Variants in CTIF observed in about 807,000 individuals in gnomAD.
CTIF encodes the protein cap binding complex dependent translation initiation factor, also known as CBP80/20-dependent translation initiation factor.
CTIF carries 21 observed loss-of-function variants against 66.0 expected under a neutral mutation model. The ratio of observed to expected loss-of-function variants is 0.32; its 90% CI spans 0.23 to 0.46. The LOEUF is 0.46. CTIF is among the 20% of genes least tolerant of loss of function. The pLI is 1.00. For synonymous variants in CTIF, 345 were observed against 326.4 expected (o/e 1.06, Z -0.62); for missense variants, 739 against 812.7 (o/e 0.91, Z 1.10).
At chr18:48,695,773 A>G (rs930075265) in intron 6 of CTIF, among the ~76,000 whole-genome samples, 2 of 152,212 alleles carry the variant, frequency 1.3e-5, no homozygotes, top group Admixed American at 6.5e-5. Context: ...GGCTCCTTCT[A>G]TGGCGAGGAG....
At chr18:48,663,938 A>T in intron 4 of CTIF, 113 bp downstream of exon 4, 1 of 974,268 alleles carries the variant, frequency 1.0e-6, no homozygotes, top group Non-Finnish European at 1.6e-6. Flanking sequence ...AGAGAAGCAG[A>T]GTAGGGGATG....
chr18:48,572,641 G>A (rs977767711), intron 1 of CTIF, among the ~76,000 whole-genome samples: 2 of 152,116 alleles, frequency 1.3e-5, no homozygotes, highest in African/African-American at 2.4e-5. Flanking sequence ...CATCCTGGAG[G>A]AGAAATTTGA....
At chr18:48,722,630 C>T (rs540941086) in intron 7 of CTIF, among the ~76,000 whole-genome samples, 2 of 151,686 alleles carry the variant, frequency 1.3e-5, no homozygotes, top group Admixed American at 1.3e-4. Flanking sequence ...CCGTACTCAT[C>T]GGCACTCACA....
At chr18:48,716,002 C>T (rs1011749479) in intron 7 of CTIF, among the ~76,000 whole-genome samples, 2 of 152,150 alleles carry the variant, frequency 1.3e-5, no homozygotes, top group Non-Finnish European at 1.5e-5. Context: ...TTACCTTGGG[C>T]GGGGCTGCGC....
chr18:48,723,188 C>G (rs1408386540), intron 7 of CTIF, among the ~76,000 whole-genome samples: 2 of 152,156 alleles, frequency 1.3e-5, no homozygotes, highest in East Asian at 3.9e-4. Flanking sequence ...TCTGCTGGGC[C>G]CCTCCCTGGC....
intron 3 of CTIF, among the ~76,000 whole-genome samples, chr18:48,658,848 G>C (rs2091290493): frequency 6.6e-6 from 1 of 152,166 alleles, no homozygotes; most frequent in Admixed American, 6.5e-5. Context: ...TGGCCACTTG[G>C]GTGCTCAGCC....
At chr18:48,560,032 GTGAA>G (rs1331631691) in intron 1 of CTIF, among the ~76,000 whole-genome samples, 1 of 151,980 alleles carries the variant, frequency 6.6e-6, no homozygotes, top group Admixed American at 6.6e-5. Flanking sequence ...AACCACAAAA[GTGAA>G]TGGCCCAAGA....
At chr18:48,594,446 G>A (rs1423278855) in intron 1 of CTIF, among the ~76,000 whole-genome samples, 1 of 151,950 alleles carries the variant, frequency 6.6e-6, no homozygotes, top group Non-Finnish European at 1.5e-5. Flanking sequence ...AGGTCTGTGA[G>A]CTGGCCTAAT....
intron 9 of CTIF, among the ~76,000 whole-genome samples, chr18:48,804,735 G>C (rs73956033): frequency 0.022 from 3,357 of 152,208 alleles, 124 homozygotes; most frequent in African/African-American, 0.075. Flanking sequence ...TGAGAGGCAG[G>C]GTCCATGGGC....
chr18:48,749,659 C>G (rs189369222), intron 7 of CTIF, among the ~76,000 whole-genome samples: 1 of 152,268 alleles, frequency 6.6e-6, no homozygotes, highest in Admixed American at 6.5e-5. Context: ...TCACAAGAAC[C>G]CTATGAGATG....
chr18:48,714,679 A>G (rs2092262763), intron 7 of CTIF, among the ~76,000 whole-genome samples: 2 of 152,100 alleles, frequency 1.3e-5, no homozygotes, highest in Admixed American at 6.5e-5. Context: ...TACTGCTTTT[A>G]TTTTCCACTT....
chr18:48,762,417 G>A (rs1598995943), intron 9 of CTIF, among the ~76,000 whole-genome samples: 1 of 152,190 alleles, frequency 6.6e-6, no homozygotes, highest in South Asian at 2.1e-4. Context: ...TTGCCTGTAT[G>A]GGCAGTAGCA....
intron 9 of CTIF, among the ~76,000 whole-genome samples, chr18:48,808,517 T>A (rs1168183056): frequency 1.6e-5 from 1 of 61,474 alleles, no homozygotes; most frequent in Non-Finnish European, 3.2e-5. Flanking sequence ...TTTTTGGTCC[T>A]TTTTTTTTTT....
At chr18:48,546,747 A>T (rs2088761403) in intron 1 of CTIF, among the ~76,000 whole-genome samples, 1 of 152,036 alleles carries the variant, frequency 6.6e-6, no homozygotes, top group African/African-American at 2.4e-5. Flanking sequence ...CTAAAACAGG[A>T]CCTGGTAAAA....
intron 11 of CTIF, among the ~76,000 whole-genome samples, chr18:48,858,389 T>G (rs2146681641): frequency 6.6e-6 from 1 of 152,262 alleles, no homozygotes; most frequent in African/African-American, 2.4e-5. Flanking sequence ...ACAGGGGGCT[T>G]GGGATTAGGG....
Position 48,607,788 on chromosome 18 carries a change from G to A in CTIF, c.-28-11750G>A, listed in dbSNP as rs552912633. Reference sequence around the variant, plus strand: ...AGCACCCTGTCCCTAGGAGGAGCTTGGGTATGCACAGCCGAGTTTCTGCTG... The same window carrying A: ...AGCACCCTGTCCCTAGGAGGAGCTTAGGTATGCACAGCCGAGTTTCTGCTG... On this transcript the variant is annotated intron_variant, in intron 1 of 11. Transcript: ENST00000256413. 1.1e-4 allele frequency among the ~76,000 whole-genome samples: 17 copies of A among 152,340 alleles called. No individual in the cohort carries two copies. The South Asian group carries it at 3.3e-3, about 30-fold the overall frequency.
At chr18:48,606,821 G>A (rs921575776) in intron 1 of CTIF, among the ~76,000 whole-genome samples, 4 of 152,104 alleles carry the variant, frequency 2.6e-5, no homozygotes, top group Admixed American at 1.3e-4. Context: ...GCAACCCTTC[G>A]TGTCCTCAGT....
chr18:48,824,015 A>ACACACAC (rs1568247744), intron 10 of CTIF, among the ~76,000 whole-genome samples: 4 of 87,232 alleles, frequency 4.6e-5, no homozygotes, highest in African/African-American at 1.4e-4. Flanking sequence ...CACACACACA[A>ACACACAC]ACTGCTAGAA....
In CTIF at chr18:48,860,315, G is replaced by A; in HGVS notation, c.*756G>A. The A allele has an allele frequency of 3.6e-6, 1 of 278,548 alleles. No homozygotes were observed. The highest frequency in any genetic ancestry group is 3.9e-5 in the South Asian group (1 of 25,838). 17.3% of individuals were successfully genotyped at this position (278,548 alleles called of 1,614,324 possible). ...CTCTTTGGCCAATGAAAATGCCCGTGATGTGATCACACAGTCAGCACTGTT... is the reference window on the plus strand; with the variant it reads ...CTCTTTGGCCAATGAAAATGCCCGTAATGTGATCACACAGTCAGCACTGTT... On this transcript the variant is annotated 3_prime_UTR_variant, in exon 12 of 12. Transcript: ENST00000256413.
Sources: allele counts gnomAD v4.1 joint callset (sites outside exome capture counted in the v4.1 genomes callset), GRCh38; gene constraint gnomAD v4.1.1; transcripts MANE v1.5; gene names NCBI Gene and HGNC (gene_info 2026-07-23, HGNC 2026-07-21).